The following ABAT variants were observed in gnomAD, a reference collection of about 807,000 sequenced individuals.
ABAT encodes the protein 4-aminobutyrate aminotransferase, mitochondrial.
Under a neutral mutation model 64.6 loss-of-function variants are expected in ABAT, and 45 were observed. That is an observed-to-expected ratio of 0.70 (90% CI 0.55 to 0.89). The LOEUF (loss-of-function observed/expected upper bound fraction) is 0.89, where lower values mean the gene tolerates loss of function less well. Ranked by LOEUF, ABAT falls within the 40% of genes least tolerant of loss-of-function variation. The pLI is 0.00. For missense variants in ABAT, 633 were observed against 658.4 expected, an observed-to-expected ratio of 0.96 and a Z score of 0.42; for synonymous variants, 297 against 250.5, an observed-to-expected ratio of 1.19 and a Z score of -1.75.
rs145779208 is a variant in ABAT, at chr16:8,745,272, C to G, written c.71-729C>G. Among the ~76,000 whole-genome samples the G allele has an allele frequency of 5.3e-3, 811 of 152,242 alleles. 11 individuals are homozygous for G. The highest frequency in any genetic ancestry group is 0.018 in the African/African-American group (764 of 41,538). On this transcript the variant is annotated intron_variant, in intron 2 of 15. Coordinates refer to ENST00000268251, the MANE Select transcript of ABAT (RefSeq NM_020686.6). ...GCTGGGATTACCGGAATGAGCGACC[C>G]CATCTGGCCCTCTTTGCTGTTAAAT...
chr16:8,750,445 C>T lies in ABAT; in HGVS notation c.222C>T (p.Phe74=). The stretch of plus-strand genomic sequence containing the variant: ...AGAATGCAGAGGCTGTGCATTTTTT[C>T]TGCAATTACGAAGAGAGCCGAGGCA... ...IIQNAEAVHF[F]CNYEESRGNY... Residue 74 remains phenylalanine, a synonymous_variant, in exon 5 of 16, where the codon TTC becomes TTT. Transcript: ENST00000268251. 1.2e-6 allele frequency: 2 copies of T among 1,614,136 alleles called. No homozygotes were observed. The highest frequency in any genetic ancestry group is 2.2e-5 in the South Asian group (2 of 91,084).
At chr16:8,677,118 C>T (rs868718466) in intron 1 of ABAT, among the ~76,000 whole-genome samples, 2 of 152,202 alleles carry the variant, frequency 1.3e-5, no homozygotes, top group Non-Finnish European at 2.9e-5. Context: ...ACAAATCTGC[C>T]ACTTAGTGTC....
intron 1 of ABAT, among the ~76,000 whole-genome samples, chr16:8,708,132 C>T (rs769937107): frequency 4.0e-5 from 6 of 151,458 alleles, no homozygotes; most frequent in Non-Finnish European, 7.4e-5. Context: ...TGAACTTGAT[C>T]ATTCCCTCTA....
chr16:8,698,516 T>G (rs1026414122), intron 1 of ABAT, among the ~76,000 whole-genome samples: 1 of 152,130 alleles, frequency 6.6e-6, no homozygotes, highest in Non-Finnish European at 1.5e-5. Context: ...GTATGTTTAG[T>G]AGAGATGGGG....
chr16:8,678,986 G>A (rs771846635), intron 1 of ABAT, among the ~76,000 whole-genome samples: 1 of 152,116 alleles, frequency 6.6e-6, no homozygotes, highest in Non-Finnish European at 1.5e-5. Flanking sequence ...GGGGGAAGAA[G>A]AAGAAAATAA....
chr16:8,771,768 C>A (rs1219979034), intron 11 of ABAT, among the ~76,000 whole-genome samples: 2 of 151,940 alleles, frequency 1.3e-5, no homozygotes, highest in Non-Finnish European at 2.9e-5. Flanking sequence ...CATGCCCAGC[C>A]TCTTTCTTTT....
intron 1 of ABAT, among the ~76,000 whole-genome samples, chr16:8,691,443 C>CT (rs923253481): frequency 5.9e-4 from 87 of 147,424 alleles, no homozygotes; most frequent in African/African-American, 1.6e-3. Context: ...CCCCAGGGAA[C>CT]TTTTTTTTTT....
At chr16:8,756,246 G>A (rs1003595069) in intron 5 of ABAT, among the ~76,000 whole-genome samples, 2 of 152,114 alleles carry the variant, frequency 1.3e-5, no homozygotes, top group African/African-American at 4.8e-5. Context: ...GAAGGAATGG[G>A]AGCTTGACTT....
intron 15 of ABAT, chr16:8,780,470 G>C (rs75511680): frequency 0.046 from 7,109 of 154,002 alleles, 250 homozygotes; most frequent in Middle Eastern, 0.12. Context: ...TGGTCTCAAA[G>C]GCATAAACAG....
At chr16:8,752,576 T>C (rs2059520919) in intron 5 of ABAT, among the ~76,000 whole-genome samples, 1 of 152,274 alleles carries the variant, frequency 6.6e-6, no homozygotes, top group East Asian at 1.9e-4. Context: ...CTGGGCATTA[T>C]AGTGAGAACC....
intron 9 of ABAT, among the ~76,000 whole-genome samples, chr16:8,767,303 C>T (rs2059973583): frequency 1.3e-5 from 2 of 152,220 alleles, no homozygotes; most frequent in African/African-American, 4.8e-5. Context: ...TGGGAGAGTG[C>T]CCGGAGAGGG....
chr16:8,680,895 C>A (rs946929600), intron 1 of ABAT, among the ~76,000 whole-genome samples: 1 of 152,048 alleles, frequency 6.6e-6, no homozygotes, highest in African/African-American at 2.4e-5. Context: ...GTTCTTTGCC[C>A]ATTTTTGAAT....
intron 6 of ABAT, among the ~76,000 whole-genome samples, chr16:8,758,203 T>G (rs190428331): frequency 6.6e-6 from 1 of 152,218 alleles, no homozygotes; most frequent in African/African-American, 2.4e-5. Flanking sequence ...TATCCCCATT[T>G]TTCAGATGCA....
At chr16:8,761,808 C>T (rs2142894737) in intron 6 of ABAT, among the ~76,000 whole-genome samples, 1 of 152,260 alleles carries the variant, frequency 6.6e-6, no homozygotes, top group Admixed American at 6.5e-5. Flanking sequence ...TGCCAGGTCA[C>T]CAAAGTCCCA....
chr16:8,775,137 A>C (rs2060228634), intron 13 of ABAT, 80 bp downstream of exon 13: 5 of 1,593,708 alleles, frequency 3.1e-6, no homozygotes, highest in Non-Finnish European at 4.3e-6. Flanking sequence ...CTTTCTCACC[A>C]TCGAGGAGCT....
At chr16:8,738,150 G>A (rs1231374822) in intron 2 of ABAT, among the ~76,000 whole-genome samples, 2 of 151,358 alleles carry the variant, frequency 1.3e-5, no homozygotes, top group Admixed American at 6.6e-5. Context: ...GGGAGACCCT[G>A]TCTCTGTGAA....
chr16:8,693,659 G>C (rs2057636154), intron 1 of ABAT, among the ~76,000 whole-genome samples: 1 of 152,074 alleles, frequency 6.6e-6, no homozygotes, highest in African/African-American at 2.4e-5. Flanking sequence ...AGTAGAGACT[G>C]GGTTTTGCCA....
intron 1 of ABAT, among the ~76,000 whole-genome samples, chr16:8,677,731 TC>T (rs1186729142): frequency 6.6e-6 from 1 of 152,064 alleles, no homozygotes; most frequent in East Asian, 1.9e-4. Context: ...GGGAGCAAAA[TC>T]ATCCTTTTCC....
chr16:8,780,183 C>T (rs1007321796), intron 15 of ABAT, among the ~76,000 whole-genome samples: 7 of 151,658 alleles, frequency 4.6e-5, no homozygotes, highest in African/African-American at 1.5e-4. Context: ...GGCGTGAAGG[C>T]GAACGGTTGG....
Sources: gnomAD v4.1 joint callset for allele counts (sites outside exome capture counted in the v4.1 genomes callset) on GRCh38, gnomAD v4.1.1 for gene constraint, MANE v1.5 for transcripts, NCBI Gene and HGNC (gene_info 2026-07-23, HGNC 2026-07-21) for gene names.